Variants in MAPK8 observed in about 807,000 individuals in gnomAD.
MAPK8 encodes the protein JUN N-terminal kinase.
A neutral mutation model predicts 52.9 loss-of-function variants in MAPK8; 13 were observed. That is an observed-to-expected ratio of 0.25 (90% confidence interval 0.16 to 0.39). The LOEUF (loss-of-function observed/expected upper bound fraction) is 0.39, where lower values mean the gene tolerates loss of function less well. MAPK8 is among the 10% of genes least tolerant of loss of function. MAPK8 has a pLI of 1.00. For missense variants in MAPK8, 300 were observed against 519.2 expected (o/e 0.58, Z 4.10); for synonymous variants, 191 against 169.8 (o/e 1.12, Z -0.97).
At chr10:48,368,315 G>T (rs1223342117) in intron 1 of MAPK8, among the ~76,000 whole-genome samples, 6 of 152,210 alleles carry the variant, frequency 3.9e-5, no homozygotes, top group Non-Finnish European at 8.8e-5. Context: ...AAGACTCAGT[G>T]TTGTCTTGGG....
At chr10:48,328,832 T>G (rs17770535) in intron 1 of MAPK8, among the ~76,000 whole-genome samples, 2 of 152,226 alleles carry the variant, frequency 1.3e-5, no homozygotes, top group Non-Finnish European at 2.9e-5. Flanking sequence ...ATTTATACTT[T>G]GCCAGTTTGT....
intron 1 of MAPK8, among the ~76,000 whole-genome samples, chr10:48,319,163 C>T (rs7068398): frequency 0.83 from 126,057 of 152,212 alleles, 52,642 homozygotes; most frequent in African/African-American, 0.95. Context: ...ATTTCTGTTA[C>T]GTTGTTAAAA....
At chr10:48,379,777 G>A (rs1025490067) in intron 1 of MAPK8, among the ~76,000 whole-genome samples, 6 of 151,816 alleles carry the variant, frequency 4.0e-5, no homozygotes, top group Admixed American at 2.0e-4. Context: ...TTTTTTATTC[G>A]AATTTTGGAA....
chr10:48,390,533 C>T (rs1193467224), intron 1 of MAPK8, among the ~76,000 whole-genome samples: 3 of 152,208 alleles, frequency 2.0e-5, no homozygotes, highest in Non-Finnish European at 4.4e-5. Context: ...TTTCCAGGGT[C>T]TCTAAAGTCT....
intron 1 of MAPK8, among the ~76,000 whole-genome samples, chr10:48,357,003 G>GT (rs1055597606): frequency 6.8e-6 from 1 of 146,378 alleles, no homozygotes; most frequent in African/African-American, 2.6e-5. Context: ...AAATCGGATT[G>GT]TTTTTTGCAC....
intron 1 of MAPK8, among the ~76,000 whole-genome samples, chr10:48,397,973 A>C (rs1247646116): frequency 1.3e-5 from 2 of 152,192 alleles, no homozygotes; most frequent in Non-Finnish European, 2.9e-5. Context: ...ATACACACAC[A>C]GGGCATGTAA....
intron 1 of MAPK8, among the ~76,000 whole-genome samples, chr10:48,389,936 C>A (rs542973136): frequency 6.6e-6 from 1 of 152,116 alleles, no homozygotes; most frequent in East Asian, 1.9e-4. Flanking sequence ...GGAATTAGTT[C>A]ATGTGGGTAT....
intron 1 of MAPK8, among the ~76,000 whole-genome samples, chr10:48,352,877 A>C (rs1156776614): frequency 6.6e-6 from 1 of 152,206 alleles, no homozygotes. Flanking sequence ...AGTAATCTAC[A>C]AAAAATCTGT....
chr10:48,368,869 C>T (rs960199208), intron 1 of MAPK8, among the ~76,000 whole-genome samples: 1 of 152,178 alleles, frequency 6.6e-6, no homozygotes. Context: ...TGTCTTGTCT[C>T]TCATGTCTGC....
intron 11 of MAPK8, 55 bp downstream of exon 11, chr10:48,431,325 C>T (rs1442049528): frequency 5.2e-6 from 6 of 1,155,896 alleles, no homozygotes; most frequent in Non-Finnish European, 7.7e-6. Context: ...GTGTTGTAAT[C>T]TTCAGTGGCC....
At position 48,404,685 on chromosome 10, in the gene MAPK8, A is replaced by G. The variant is rs369592275; in HGVS notation, c.123-167A>G. ...TTTTAGGAAATAGTTGCAAAAAAAT[A>G]TATGTTGTAATAGATATAGAAGACA... On this transcript the variant is annotated intron_variant, in intron 2 of 11. Coordinates refer to ENST00000374189, the MANE Select transcript of MAPK8 (RefSeq NM_001323329.2). 2.6e-5 allele frequency among the ~76,000 whole-genome samples: 4 copies of G among 152,178 alleles called. No homozygotes were observed. In the South Asian group the frequency reaches 6.2e-4, roughly 24 times the overall value.
chr10:48,372,974 G>T (rs1222899598), intron 1 of MAPK8, among the ~76,000 whole-genome samples: 1 of 152,070 alleles, frequency 6.6e-6, no homozygotes, highest in African/African-American at 2.4e-5. Context: ...AATCTTAAGG[G>T]CAGCCAGAGA....
intron 1 of MAPK8, among the ~76,000 whole-genome samples, chr10:48,358,554 T>C (rs1391017169): frequency 3.3e-5 from 5 of 152,224 alleles, no homozygotes; most frequent in African/African-American, 7.2e-5. Context: ...TCTCCTCTTC[T>C]GTGGGTTGTC....
chr10:48,349,496 C>T (rs1051652784), intron 1 of MAPK8, among the ~76,000 whole-genome samples: 14 of 152,050 alleles, frequency 9.2e-5, no homozygotes, highest in African/African-American at 2.9e-4. Context: ...ACATGGAAAC[C>T]GAACAACTTG....
intron 1 of MAPK8, among the ~76,000 whole-genome samples, chr10:48,378,059 A>G (rs2040779312): frequency 1.3e-5 from 2 of 152,290 alleles, no homozygotes; most frequent in South Asian, 4.1e-4. Context: ...ACTTAGGCCC[A>G]TATTCCTTAG....
chr10:48,409,242 A>G (rs145352878), intron 3 of MAPK8, among the ~76,000 whole-genome samples: 3 of 152,332 alleles, frequency 2.0e-5, no homozygotes, highest in Non-Finnish European at 4.4e-5. Flanking sequence ...ACAGCATTCT[A>G]TGAGTATTTA....
intron 1 of MAPK8, among the ~76,000 whole-genome samples, chr10:48,313,938 G>A (rs1048636475): frequency 2.6e-5 from 4 of 152,104 alleles, no homozygotes; most frequent in Non-Finnish European, 5.9e-5. Context: ...CTGGGATTAC[G>A]GGTGTGAGCC....
rs576320339 is a variant in MAPK8 at position 48,351,583 on chromosome 10, A to T, written c.-50+44762A>T. On this transcript the variant is annotated intron_variant, in intron 1 of 11. Coordinates refer to ENST00000374189, the MANE Select transcript of MAPK8 (RefSeq NM_001323329.2). ...TTATGAACATGCTTGAAATAAATTA[A>T]AAAAAAAGGAAGTTTTCAGCATAGC... is the stretch of plus-strand genomic sequence containing the variant. 1.5e-4 allele frequency among the ~76,000 whole-genome samples: 23 copies of T among 151,792 alleles called. 1 individual carries two copies. The East Asian group carries it at 4.1e-3, about 27-fold the overall frequency.
At chr10:48,348,950 CAAAAA>C (rs57696845) in intron 1 of MAPK8, among the ~76,000 whole-genome samples, 2 of 132,390 alleles carry the variant, frequency 1.5e-5, no homozygotes, top group East Asian at 4.2e-4. Flanking sequence ...AAATGGAAAG[CAAAAA>C]AAAAAAAAAG....
Sources: gnomAD v4.1 joint callset for allele counts (sites outside exome capture counted in the v4.1 genomes callset) on GRCh38, gnomAD v4.1.1 for gene constraint, MANE v1.5 for transcripts, NCBI Gene and HGNC (gene_info 2026-07-23, HGNC 2026-07-21) for gene names.